BCL2L13: variants seen among roughly 807,000 people sequenced by gnomAD.
BCL2L13 encodes BCL2 like 13.
In BCL2L13, 13 loss-of-function variants were observed where a neutral mutation model predicts 25.8. That is an observed-to-expected ratio of 0.50 (90% CI 0.33 to 0.80). The LOEUF (loss-of-function observed/expected upper bound fraction) is 0.80. Among genes scored for constraint, BCL2L13 ranks in the 30% least tolerant of loss-of-function variants. The pLI, the probability that BCL2L13 is intolerant of heterozygous loss-of-function variation, is 0.02. For synonymous variants in BCL2L13, 244 were observed against 230.3 expected (o/e 1.06, Z -0.54); for missense variants, 504 against 574.9 (o/e 0.88, Z 1.26).
intron 5 of BCL2L13, among the ~76,000 whole-genome samples, chr22:17,698,865 A>T (rs1270149242): frequency 6.6e-6 from 1 of 152,180 alleles, no homozygotes; most frequent in African/African-American, 2.4e-5. Context: ...TCTTTTCTGG[A>T]CATTTCAAAT....
intron 1 of BCL2L13, among the ~76,000 whole-genome samples, chr22:17,645,813 A>C (rs959122289): frequency 2.0e-5 from 3 of 151,492 alleles, no homozygotes; most frequent in Non-Finnish European, 4.4e-5. Context: ...TTGGCTAGCA[A>C]CCACAGTTGG....
At chr22:17,629,473 A>G (rs2057958319) in intron 1 of BCL2L13, among the ~76,000 whole-genome samples, 1 of 152,172 alleles carries the variant, frequency 6.6e-6, no homozygotes, top group African/African-American at 2.4e-5. Context: ...AAGCCTTCCC[A>G]GGTCCCATTT....
intron 1 of BCL2L13, among the ~76,000 whole-genome samples, chr22:17,649,866 CT>C (rs2058619412): frequency 8.6e-6 from 1 of 115,700 alleles, no homozygotes; most frequent in Non-Finnish European, 1.7e-5. Flanking sequence ...TCTTTTTTTT[CT>C]TTTCTTTTTT....
upstream of BCL2L13, chr22:17,638,480 T>C (rs12628818): frequency 0.042 from 16,639 of 400,728 alleles, 607 homozygotes; most frequent in African/African-American, 0.13. Context: ...GCAAGGCTTC[T>C]TTCCCTGGAA....
intron 1 of BCL2L13, among the ~76,000 whole-genome samples, chr22:17,643,760 C>T (rs774844541): frequency 1.4e-4 from 21 of 151,312 alleles, no homozygotes; most frequent in Non-Finnish European, 1.9e-4. Context: ...ACTACAGGCA[C>T]TCGCCACCAT....
rs187786800 is a variant in BCL2L13, at chr22:17,663,757, G to A, written c.121+7925G>A. On this transcript the variant is annotated intron_variant, in intron 2 of 6. Coordinates refer to ENST00000317582, the MANE Select transcript of BCL2L13 (RefSeq NM_015367.4). ...GGAGTGGTGCAGTGGTGCGATCTTG[G>A]CTCACTGCAACCTCCACCCGCCTAG... Among the ~76,000 whole-genome samples, 209 of 132,088 alleles carry A rather than the reference G, an allele frequency of 1.6e-3. 2 individuals are homozygous for A. Among genetic ancestry groups the A allele is most frequent in the African/African-American group, 5.6e-3 (199 of 35,344 alleles). 86.7% of individuals were successfully genotyped at this position (132,088 alleles called of 152,430 possible). A position where few individuals can be genotyped will look rare whatever the true frequency, so the allele number is the denominator to read the frequency against.
intron 3 of BCL2L13, among the ~76,000 whole-genome samples, chr22:17,683,990 G>A (rs977828999): frequency 9.2e-5 from 14 of 151,970 alleles, no homozygotes; most frequent in Middle Eastern, 3.4e-3. Flanking sequence ...CCTTGTTATT[G>A]AGGGGAGCAT....
chr22:17,632,012 G>A (rs2146342072), intron 1 of BCL2L13, among the ~76,000 whole-genome samples: 1 of 152,066 alleles, frequency 6.6e-6, no homozygotes, highest in Non-Finnish European at 1.5e-5. Context: ...GAGCCACGGC[G>A]CCTGGCCGGT....
chr22:17,684,889 C>T (rs886122170), intron 3 of BCL2L13, among the ~76,000 whole-genome samples: 4 of 152,028 alleles, frequency 2.6e-5, no homozygotes, highest in South Asian at 2.1e-4. Context: ...CCTGCCACCA[C>T]ACCCGACTAA....
In BCL2L13 at chr22:17,646,117, A is replaced by G. The variant is rs114213937; in HGVS notation, c.-51+7231A>G. Among the ~76,000 whole-genome samples the G allele has an allele frequency of 5.0e-3, 751 of 151,636 alleles. 35 individuals are homozygous for G. Among genetic ancestry groups the G allele is most frequent in the African/African-American group, 0.018 (724 of 40,914 alleles). On this transcript the variant is annotated intron_variant, in intron 1 of 6. Coordinates refer to ENST00000317582, the MANE Select transcript of BCL2L13 (RefSeq NM_015367.4). Reference sequence around the variant, plus strand: ...ACAGGTATCCTGGAACCAATCCCACATGGGTACCAAGGGACAATTCTACTT... The same window carrying G: ...ACAGGTATCCTGGAACCAATCCCACGTGGGTACCAAGGGACAATTCTACTT...
At chr22:17,657,819 A>G (rs1210451814) in intron 2 of BCL2L13, among the ~76,000 whole-genome samples, 7 of 46,246 alleles carry the variant, frequency 1.5e-4, no homozygotes, top group South Asian at 7.8e-4. Flanking sequence ...CCTGGTTGAC[A>G]TTTCTTTTTT....
chr22:17,696,623 G>A (rs5992094), intron 5 of BCL2L13, among the ~76,000 whole-genome samples: 14,105 of 152,090 alleles, frequency 0.093, 760 homozygotes, highest in Non-Finnish European at 0.11. Context: ...ACAGTGTCTC[G>A]TGTCACATAC....
intron 6 of BCL2L13, among the ~76,000 whole-genome samples, chr22:17,707,422 T>C (rs1242044956): frequency 6.6e-6 from 1 of 152,206 alleles, no homozygotes; most frequent in Non-Finnish European, 1.5e-5. Flanking sequence ...TAAAACTAGC[T>C]GGTTGATCCC....
At chr22:17,677,129 A>G (rs1323544766) in intron 2 of BCL2L13, among the ~76,000 whole-genome samples, 3 of 151,580 alleles carry the variant, frequency 2.0e-5, no homozygotes, top group Non-Finnish European at 2.9e-5. Flanking sequence ...AGACCTGCCT[A>G]GGCAATATAG....
At chr22:17,701,838 C>T (rs780186710) in intron 5 of BCL2L13, among the ~76,000 whole-genome samples, 20 of 149,638 alleles carry the variant, frequency 1.3e-4, no homozygotes, top group African/African-American at 4.4e-4. Flanking sequence ...AGCAGAGAAT[C>T]GCTTGAACCT....
chr22:17,631,958 G>A (rs1274407719), intron 1 of BCL2L13, among the ~76,000 whole-genome samples: 3 of 151,662 alleles, frequency 2.0e-5, no homozygotes, highest in Admixed American at 1.3e-4. Context: ...CTGACCTCGT[G>A]ATCTGCCCGC....
chr22:17,669,680 A>G (rs775201561), intron 2 of BCL2L13, among the ~76,000 whole-genome samples: 1 of 152,150 alleles, frequency 6.6e-6, no homozygotes, highest in Non-Finnish European at 1.5e-5. Flanking sequence ...AAAGCAAAAT[A>G]TAGTAGCCGT....
chr22:17,683,304 A>G lies in BCL2L13; in HGVS notation c.212A>G (p.Asp71Gly). Residue 71 changes from aspartate to glycine, a missense_variant, in exon 3 of 7, where the codon GAC becomes GGC. Transcript: ENST00000317582. ...ATTGAAGAAGAGCTAAAATCTCTGG[A>G]CAAAGAAATTTCTGAAGGTCTGTTT... Reference protein sequence around the residue: ...TEIEEELKSLDKEISEAFTST... With the variant: ...TEIEEELKSLGKEISEAFTST... 6.4e-7 allele frequency: 1 copy of G among 1,558,948 alleles called. No homozygotes were observed. The highest frequency in any genetic ancestry group is 1.8e-4 in the Middle Eastern group (1 of 5,666).
At chr22:17,631,985 C>G (rs1407946919) in intron 1 of BCL2L13, among the ~76,000 whole-genome samples, 1 of 151,766 alleles carries the variant, frequency 6.6e-6, no homozygotes, top group East Asian at 1.9e-4. Flanking sequence ...ATCCCAAAGT[C>G]TTGGGATTAC....
Sources: gnomAD v4.1 joint callset for allele counts (sites outside exome capture counted in the v4.1 genomes callset) on GRCh38, gnomAD v4.1.1 for gene constraint, MANE v1.5 for transcripts, NCBI Gene and HGNC (gene_info 2026-07-23, HGNC 2026-07-21) for gene names.